SUCLG2: variants seen among roughly 807,000 people sequenced by gnomAD.
SUCLG2 encodes the protein succinate-CoA ligase GDP-forming subunit beta, also known as succinate--CoA ligase [GDP-forming] subunit beta, mitochondrial.
A neutral mutation model predicts 47.9 loss-of-function variants in SUCLG2; 42 were observed. The ratio of observed to expected loss-of-function variants is 0.88; its 90% CI spans 0.69 to 1.14. SUCLG2 has a LOEUF of 1.14. Ranked by LOEUF, SUCLG2 falls within the 50% of genes most tolerant of loss-of-function variation. SUCLG2 has a pLI of 0.00. For missense variants in SUCLG2, 571 were observed against 525.9 expected (o/e 1.09, Z -0.84); for synonymous variants, 195 against 197.3 (o/e 0.99, Z 0.10).
At chr3:67,490,647 T>C (rs1175800002) in intron 9 of SUCLG2, among the ~76,000 whole-genome samples, 11 of 152,204 alleles carry the variant, frequency 7.2e-5, no homozygotes, top group Admixed American at 7.2e-4. Flanking sequence ...ATTCTAAATC[T>C]AAGTTTTGGA....
intron 1 of SUCLG2, among the ~76,000 whole-genome samples, chr3:67,622,458 A>G (rs957832455): frequency 6.6e-6 from 1 of 152,224 alleles, no homozygotes; most frequent in Non-Finnish European, 1.5e-5. Flanking sequence ...CGATTTCATC[A>G]CTTATACTTT....
intron 2 of SUCLG2, among the ~76,000 whole-genome samples, chr3:67,556,491 G>T (rs527563159): frequency 1.2e-4 from 18 of 152,266 alleles, no homozygotes; most frequent in African/African-American, 4.3e-4. Context: ...CCCTAAGCTT[G>T]AATTTATTTC....
intron 2 of SUCLG2, among the ~76,000 whole-genome samples, chr3:67,571,460 T>C (rs546393590): frequency 2.6e-5 from 4 of 152,252 alleles, no homozygotes; most frequent in Non-Finnish European, 1.5e-5. Context: ...CACCCTGAAT[T>C]CTAAGGGCCA....
At chr3:67,463,102 G>C (rs1704378661) in intron 9 of SUCLG2, among the ~76,000 whole-genome samples, 1 of 152,228 alleles carries the variant, frequency 6.6e-6, no homozygotes, top group East Asian at 1.9e-4. Flanking sequence ...GTGTGACCGT[G>C]TGCTGCTGCC....
At chr3:67,501,674 C>G (rs1204825478) in intron 7 of SUCLG2, among the ~76,000 whole-genome samples, 1 of 152,092 alleles carries the variant, frequency 6.6e-6, no homozygotes, top group African/African-American at 2.4e-5. Context: ...TCAGCCCCAC[C>G]TCCATGCTCC....
At chr3:67,585,225 TA>T in intron 2 of SUCLG2, among the ~76,000 whole-genome samples, 3 of 152,304 alleles carry the variant, frequency 2.0e-5, no homozygotes, top group Middle Eastern at 6.8e-3. Flanking sequence ...TCTCTTTCTC[TA>T]ATCACCTGAT....
chr3:67,562,159 T>C (rs999878018), intron 2 of SUCLG2, among the ~76,000 whole-genome samples: 1 of 152,176 alleles, frequency 6.6e-6, no homozygotes, highest in African/African-American at 2.4e-5. Context: ...TAGAGTCCAG[T>C]AGAGCACAAA....
At chr3:67,577,255 C>T (rs934727875) in intron 2 of SUCLG2, among the ~76,000 whole-genome samples, 2 of 152,030 alleles carry the variant, frequency 1.3e-5, no homozygotes, top group Non-Finnish European at 2.9e-5. Context: ...TTGCAGTGAG[C>T]TGAGATCCTG....
intron 1 of SUCLG2, among the ~76,000 whole-genome samples, chr3:67,617,740 T>C (rs959794869): frequency 2.0e-5 from 3 of 152,224 alleles, no homozygotes; most frequent in East Asian, 1.9e-4. Flanking sequence ...ATTTATAAAA[T>C]AGAGGATACT....
At chr3:67,646,772 A>C (rs1701198894) in intron 1 of SUCLG2, among the ~76,000 whole-genome samples, 1 of 152,176 alleles carries the variant, frequency 6.6e-6, no homozygotes. Context: ...GTGTACGTCT[A>C]GTATCCTGGC....
intron 1 of SUCLG2, among the ~76,000 whole-genome samples, chr3:67,641,505 T>A (rs1359942933): frequency 6.6e-6 from 1 of 152,230 alleles, no homozygotes; most frequent in Non-Finnish European, 1.5e-5. Context: ...ACCTACAATT[T>A]CAGATGTGTT....
chr3:67,534,798 A>AC (rs1706496713), intron 2 of SUCLG2, among the ~76,000 whole-genome samples: 1 of 145,992 alleles, frequency 6.8e-6, no homozygotes, highest in Non-Finnish European at 1.5e-5. Flanking sequence ...AAAAAAAAAA[A>AC]AATGCCCATG....
At chr3:67,478,146 C>T (rs1274099670) in intron 9 of SUCLG2, among the ~76,000 whole-genome samples, 1 of 152,166 alleles carries the variant, frequency 6.6e-6, no homozygotes, top group Non-Finnish European at 1.5e-5. Flanking sequence ...GCTAGCTCAA[C>T]AATGCCTGGC....
At chr3:67,455,345 G>A (rs1704158356) in intron 9 of SUCLG2, among the ~76,000 whole-genome samples, 1 of 152,094 alleles carries the variant, frequency 6.6e-6, no homozygotes, top group Non-Finnish European at 1.5e-5. Flanking sequence ...CTGCACATCA[G>A]GCGTTATTTC....
At position 67,654,542 on chromosome 3, in the gene SUCLG2, G is replaced by T; in HGVS notation, c.45C>A (p.Ala15=). The change falls in exon 1 of 11, where the codon GCC becomes GCA. Residue 15 remains alanine, a synonymous_variant. Coordinates refer to ENST00000307227, the MANE Select transcript of SUCLG2 (RefSeq NM_003848.4). ...VAAQAGKLLR[A]LALRPRFLAA... The stretch of plus-strand genomic sequence containing the variant: ...CCAGGAAGCGGGGCCGCAGCGCTAG[G>T]GCTCGCAGAAGCTTCCCGGCCTGCG... The T allele has an allele frequency of 1.6e-6, 2 of 1,265,924 alleles. No individual in the cohort carries two copies. Among genetic ancestry groups the T allele is most frequent in the Non-Finnish European group, 1.0e-6 (1 of 1,003,446 alleles). 78.4% of individuals were successfully genotyped at this position (1,265,924 alleles called of 1,614,324 possible).
chr3:67,519,404 T>C (rs1706035968), intron 5 of SUCLG2, among the ~76,000 whole-genome samples: 1 of 152,266 alleles, frequency 6.6e-6, no homozygotes, highest in Non-Finnish European at 1.5e-5. Flanking sequence ...TTTATTTTAA[T>C]GTGTAACATT....
At chr3:67,489,220 C>T (rs1043266953) in intron 9 of SUCLG2, among the ~76,000 whole-genome samples, 5 of 151,900 alleles carry the variant, frequency 3.3e-5, no homozygotes, top group African/African-American at 1.2e-4. Context: ...GCAAGGAGGG[C>T]CAGATATTCT....
intron 1 of SUCLG2, among the ~76,000 whole-genome samples, chr3:67,650,578 G>A (rs1701268734): frequency 6.6e-6 from 1 of 152,014 alleles, no homozygotes; most frequent in Non-Finnish European, 1.5e-5. Context: ...CCAACATGGC[G>A]AAACCCCATC....
intron 2 of SUCLG2, among the ~76,000 whole-genome samples, chr3:67,571,676 A>C (rs1323119408): frequency 2.6e-5 from 4 of 152,204 alleles, no homozygotes; most frequent in Admixed American, 2.6e-4. Context: ...TGTTCACCCT[A>C]TATCATTTAA....
Sources: allele counts gnomAD v4.1 joint callset (sites outside exome capture counted in the v4.1 genomes callset), GRCh38; gene constraint gnomAD v4.1.1; transcripts MANE v1.5; gene names NCBI Gene and HGNC (gene_info 2026-07-23, HGNC 2026-07-21).